CTNND2: variants seen among roughly 807,000 people sequenced by gnomAD.
CTNND2 encodes the protein catenin delta 2, also known as catenin delta-2.
Under a neutral mutation model 144.4 loss-of-function variants are expected in CTNND2, and 22 were observed. The ratio of observed to expected loss-of-function variants is 0.15; its 90% CI spans 0.11 to 0.22. CTNND2 has a LOEUF of 0.22. Ranked by LOEUF, CTNND2 falls within the 10% of genes least tolerant of loss-of-function variation. CTNND2 has a pLI of 1.00. For synonymous variants in CTNND2, 751 were observed against 695.6 expected (o/e 1.08, Z -1.25); for missense variants, 1,353 against 1,618.8 (o/e 0.84, Z 2.82).
chr5:11,764,139 A>C (rs1189161292), intron 1 of CTNND2, among the ~76,000 whole-genome samples: 1 of 152,152 alleles, frequency 6.6e-6, no homozygotes, highest in East Asian at 1.9e-4. Flanking sequence ...GTGACAAAGG[A>C]AGAAGGAATG....
chr5:11,032,778 T>C (rs767413873), intron 16 of CTNND2, among the ~76,000 whole-genome samples: 11 of 152,260 alleles, frequency 7.2e-5, no homozygotes, highest in Non-Finnish European at 1.2e-4. Context: ...TATTGTAAGA[T>C]ACCACTTATA....
intron 1 of CTNND2, among the ~76,000 whole-genome samples, chr5:11,880,239 A>G (rs1735930959): frequency 6.6e-6 from 1 of 152,136 alleles, no homozygotes; most frequent in South Asian, 2.1e-4. Flanking sequence ...TTCTCTTTTC[A>G]GGGTCTGCCA....
intron 1 of CTNND2, among the ~76,000 whole-genome samples, chr5:11,778,026 G>T (rs1790347199): frequency 6.6e-6 from 1 of 152,046 alleles, no homozygotes; most frequent in African/African-American, 2.4e-5. Flanking sequence ...CAAACTACCT[G>T]TGATCTCTTT....
intron 1 of CTNND2, among the ~76,000 whole-genome samples, chr5:11,867,393 A>G (rs1262507571): frequency 6.6e-6 from 1 of 152,234 alleles, no homozygotes; most frequent in African/African-American, 2.4e-5. Flanking sequence ...GGCAAGGAAT[A>G]ACATCTCAGA....
At chr5:11,796,707 T>C (rs1165005537) in intron 1 of CTNND2, among the ~76,000 whole-genome samples, 2 of 152,224 alleles carry the variant, frequency 1.3e-5, no homozygotes, top group Non-Finnish European at 2.9e-5. Flanking sequence ...GGGCTGTTTA[T>C]AGGATGTCTT....
chr5:11,644,406 G>T (rs115994303), intron 2 of CTNND2, among the ~76,000 whole-genome samples: 8,866 of 152,194 alleles, frequency 0.058, 528 homozygotes, highest in East Asian at 0.17. Flanking sequence ...CGGGTGCAGT[G>T]GCTCACACCT....
At chr5:11,723,165 TG>T (rs1786782038) in intron 2 of CTNND2, among the ~76,000 whole-genome samples, 1 of 152,218 alleles carries the variant, frequency 6.6e-6, no homozygotes, top group Non-Finnish European at 1.5e-5. Flanking sequence ...TGTATTTTTA[TG>T]TTTTTTATGT....
intron 3 of CTNND2, among the ~76,000 whole-genome samples, chr5:11,490,936 C>T (rs941868738): frequency 6.6e-6 from 1 of 152,082 alleles, no homozygotes; most frequent in African/African-American, 2.4e-5. Context: ...TACAGCGAGA[C>T]GTGATTACAC....
intron 1 of CTNND2, among the ~76,000 whole-genome samples, chr5:11,771,209 T>G (rs1362786684): frequency 1.4e-5 from 2 of 144,916 alleles, no homozygotes; most frequent in African/African-American, 5.1e-5. Context: ...TTTTTTTTTT[T>G]GGGATGGAGT....
chr5:11,526,601 A>G (rs1465573269), intron 3 of CTNND2, among the ~76,000 whole-genome samples: 1 of 152,198 alleles, frequency 6.6e-6, no homozygotes, highest in African/African-American at 2.4e-5. Context: ...CCTCTTCTAA[A>G]CATGTCTAAG....
chr5:11,897,607 T>C (rs1737497707), intron 1 of CTNND2, among the ~76,000 whole-genome samples: 1 of 152,150 alleles, frequency 6.6e-6, no homozygotes, highest in African/African-American at 2.4e-5. Flanking sequence ...AGTTAAAGAA[T>C]AACATGAAAA....
intron 1 of CTNND2, among the ~76,000 whole-genome samples, chr5:11,825,581 C>G (rs1429147457): frequency 6.6e-6 from 1 of 151,900 alleles, no homozygotes; most frequent in African/African-American, 2.4e-5. Context: ...GACAACAAAC[C>G]AGAGACTATC....
chr5:11,191,067 T>G (rs2149814621), intron 11 of CTNND2, among the ~76,000 whole-genome samples: 1 of 151,962 alleles, frequency 6.6e-6, no homozygotes, highest in Admixed American at 6.5e-5. Flanking sequence ...ATCCCAGCAG[T>G]AAAAAGAAGT....
At chr5:11,696,036 ATAGT>A (rs1245051203) in intron 2 of CTNND2, among the ~76,000 whole-genome samples, 1 of 152,210 alleles carries the variant, frequency 6.6e-6, no homozygotes, top group South Asian at 2.1e-4. Flanking sequence ...CTACTTTAAA[ATAGT>A]TAGCATGGAT....
rs185901776 is a variant in CTNND2 at position 11,227,715 on chromosome 5, T to C, written c.1761+8976A>G. ...TTATGGGGGAGGGGAAAGGTATGCATATTTTATGCACAGAAATCAATTTCT... is the reference window on the plus strand; with the variant it reads ...TTATGGGGGAGGGGAAAGGTATGCACATTTTATGCACAGAAATCAATTTCT... On this transcript the variant is annotated intron_variant, in intron 10 of 21. Transcript: ENST00000304623. 6.6e-5 allele frequency among the ~76,000 whole-genome samples: 10 copies of C among 152,320 alleles called. No individual in the cohort carries two copies. The East Asian group carries it at 1.2e-3, about 18-fold the overall frequency.
intron 16 of CTNND2, among the ~76,000 whole-genome samples, chr5:11,054,923 C>T (rs1347590935): frequency 6.6e-6 from 1 of 152,166 alleles, no homozygotes; most frequent in Non-Finnish European, 1.5e-5. Flanking sequence ...ATATTCTCTA[C>T]TGTTCAATGT....
intron 1 of CTNND2, among the ~76,000 whole-genome samples, chr5:11,800,839 TAA>T (rs111500065): frequency 3.0e-4 from 46 of 152,316 alleles, no homozygotes; most frequent in African/African-American, 1.1e-3. Flanking sequence ...AGATACTTTA[TAA>T]GTCTTATTTA....
chr5:11,844,796 A>G (rs1232268469), intron 1 of CTNND2, among the ~76,000 whole-genome samples: 1 of 152,256 alleles, frequency 6.6e-6, no homozygotes, highest in South Asian at 2.1e-4. Context: ...CTTTCTTCCT[A>G]GTAAATTCCA....
At chr5:11,711,106 C>T (rs1183750289) in intron 2 of CTNND2, among the ~76,000 whole-genome samples, 1 of 151,854 alleles carries the variant, frequency 6.6e-6, no homozygotes, top group African/African-American at 2.4e-5. Context: ...CACTCTGTCG[C>T]CCAGGCTAGC....
Sources: gnomAD v4.1 joint callset for allele counts (sites outside exome capture counted in the v4.1 genomes callset) on GRCh38, gnomAD v4.1.1 for gene constraint, MANE v1.5 for transcripts, NCBI Gene and HGNC (gene_info 2026-07-23, HGNC 2026-07-21) for gene names.